The following IL1RAPL2 variants were observed in gnomAD, a reference collection of about 807,000 sequenced individuals.
IL1RAPL2 encodes the protein interleukin 1 receptor accessory protein like 2.
A neutral mutation model predicts 44.1 loss-of-function variants in IL1RAPL2; 3 were observed. That is an observed-to-expected ratio of 0.07 (90% CI 0.03 to 0.18). IL1RAPL2 has a LOEUF of 0.18. IL1RAPL2 is among the 10% of genes least tolerant of loss of function. IL1RAPL2 has a pLI of 1.00. For missense variants in IL1RAPL2, 391 were observed against 496.4 expected (o/e 0.79, Z 2.02); for synonymous variants, 181 against 178.8 (o/e 1.01, Z -0.10).
intron 2 of IL1RAPL2, among the ~76,000 whole-genome samples, chrX:104,852,227 A>G (rs1922245383): frequency 8.9e-6 from 1 of 112,336 alleles, no homozygotes; most frequent in African/African-American, 3.2e-5. Context: ...CAATATGCAT[A>G]TTCAGGAAGG....
At chrX:104,661,629 G>T (rs1930402193) in intron 2 of IL1RAPL2, among the ~76,000 whole-genome samples, 1 of 108,225 alleles carries the variant, frequency 9.2e-6, no homozygotes, top group South Asian at 4.0e-4. Context: ...ATTTTATGTA[G>T]AAAATATAAT....
At chrX:105,656,495 C>T (rs955682154) in intron 6 of IL1RAPL2, among the ~76,000 whole-genome samples, 1 of 111,879 alleles carries the variant, frequency 8.9e-6, no homozygotes, top group African/African-American at 3.3e-5. Flanking sequence ...AGAAGTACTA[C>T]ATAATGTGCT....
chrX:105,292,100 A>G (rs1053387594), intron 5 of IL1RAPL2, among the ~76,000 whole-genome samples: 1 of 111,652 alleles, frequency 9.0e-6, no homozygotes, highest in Non-Finnish European at 1.9e-5. Context: ...AATGATATTA[A>G]TATATATGAT....
intron 2 of IL1RAPL2, among the ~76,000 whole-genome samples, chrX:104,840,657 G>A (rs770396120): frequency 2.8e-5 from 3 of 108,916 alleles, no homozygotes; most frequent in Admixed American, 9.9e-5. Flanking sequence ...ATTGACAGTG[G>A]GATGTTAAAG....
At chrX:105,059,788 C>T (rs945283488) in intron 2 of IL1RAPL2, among the ~76,000 whole-genome samples, 1 of 112,116 alleles carries the variant, frequency 8.9e-6, no homozygotes, top group Non-Finnish European at 1.9e-5. Flanking sequence ...TCCTGCCTCC[C>T]AAAGTGCTGG....
intron 6 of IL1RAPL2, among the ~76,000 whole-genome samples, chrX:105,566,618 G>A (rs2036977184): frequency 8.9e-6 from 1 of 111,747 alleles, no homozygotes; most frequent in Non-Finnish European, 1.9e-5. Flanking sequence ...CTGTGGCTTG[G>A]AGAGTGATCG....
At chrX:105,740,478 T>C in intron 7 of IL1RAPL2, 68 bp from the exon 8 acceptor site, 2 of 1,071,788 alleles carry the variant, frequency 1.9e-6, no homozygotes, top group African/African-American at 3.6e-5. Context: ...TGACCATCTG[T>C]AGTCTTGGCA....
intron 2 of IL1RAPL2, among the ~76,000 whole-genome samples, chrX:104,936,165 C>T (rs1414424574): frequency 8.9e-6 from 1 of 111,788 alleles, no homozygotes; most frequent in Admixed American, 9.6e-5. Flanking sequence ...ATTTCATTCC[C>T]TGTCAAATTT....
At position 105,516,573 on chromosome X, in the gene IL1RAPL2, G is replaced by A. The variant is rs190399297; in HGVS notation, c.772+32186G>A. ...AGTTTGCATATATATTTTTGTGCAG[G>A]TCACATCCCTAATAAATGAAAATCT... is the stretch of plus-strand genomic sequence containing the variant. On this transcript the variant is annotated intron_variant, in intron 6 of 10. Transcript: ENST00000372582. Among the ~76,000 whole-genome samples the A allele has an allele frequency of 8.1e-3, 903 of 111,834 alleles. 5 individuals are homozygous for A. Among genetic ancestry groups the A allele is most frequent in the Non-Finnish European group, 0.014 (758 of 53,094 alleles).
chrX:105,520,566 A>T (rs1381036757), intron 6 of IL1RAPL2, among the ~76,000 whole-genome samples: 3 of 111,634 alleles, frequency 2.7e-5, no homozygotes, highest in African/African-American at 9.8e-5. Flanking sequence ...TTGACTTAAA[A>T]TTGTGCCATA....
At chrX:104,908,138 A>T (rs1487805602) in intron 2 of IL1RAPL2, among the ~76,000 whole-genome samples, 10 of 109,744 alleles carry the variant, frequency 9.1e-5, no homozygotes, top group Admixed American at 5.9e-4. Flanking sequence ...CTGCCTTTTT[A>T]TGTTTTCCAT....
intron 5 of IL1RAPL2, among the ~76,000 whole-genome samples, chrX:105,282,719 C>G (rs1371115330): frequency 9.0e-6 from 1 of 111,578 alleles, no homozygotes; most frequent in Non-Finnish European, 1.9e-5. Flanking sequence ...CTCTCTCTAG[C>G]TATATTCTGG....
intron 2 of IL1RAPL2, among the ~76,000 whole-genome samples, chrX:104,847,600 G>T (rs993012760): frequency 4.5e-5 from 5 of 111,898 alleles, no homozygotes; most frequent in Non-Finnish European, 9.4e-5. Context: ...CTGTAGCCTT[G>T]TAGTATAGCT....
At chrX:104,744,010 G>A (rs1274261435) in intron 2 of IL1RAPL2, among the ~76,000 whole-genome samples, 1 of 110,583 alleles carries the variant, frequency 9.0e-6, no homozygotes, top group Non-Finnish European at 1.9e-5. Flanking sequence ...GGGAAAGTGC[G>A]TGGTTCCTGG....
chrX:104,966,445 T>C (rs1358306981), intron 2 of IL1RAPL2, among the ~76,000 whole-genome samples: 4 of 111,817 alleles, frequency 3.6e-5, no homozygotes, highest in Non-Finnish European at 5.7e-5. Flanking sequence ...AGCTATATTA[T>C]ATTTCAGATA....
At chrX:104,785,004 A>C (rs1050846889) in intron 2 of IL1RAPL2, among the ~76,000 whole-genome samples, 1 of 110,702 alleles carries the variant, frequency 9.0e-6, no homozygotes, top group African/African-American at 3.3e-5. Context: ...CTGGACTTCA[A>C]GGATTATCGC....
chrX:105,420,569 C>T (rs1453803804), intron 5 of IL1RAPL2, among the ~76,000 whole-genome samples: 1 of 111,457 alleles, frequency 9.0e-6, no homozygotes, highest in African/African-American at 3.3e-5. Context: ...AAGGAGTGTG[C>T]GTATCAAAAA....
chrX:105,447,075 T>TTATATATATATATA (rs1205983853), intron 5 of IL1RAPL2, among the ~76,000 whole-genome samples: 51 of 16,860 alleles, frequency 3.0e-3, no homozygotes, highest in Admixed American at 5.1e-3. Context: ...CTGGTTAAAA[T>TTATATATATATATA]TATATATATA....
intron 2 of IL1RAPL2, among the ~76,000 whole-genome samples, chrX:104,884,944 CTTCAAGCTGTA>C (rs1163456688): frequency 9.0e-6 from 1 of 111,327 alleles, no homozygotes; most frequent in Non-Finnish European, 1.9e-5. Context: ...GTTATGTCCC[CTTCAAGCTGTA>C]GGGGGAATGG....
Sources: allele counts gnomAD v4.1 joint callset (sites outside exome capture counted in the v4.1 genomes callset), GRCh38; gene constraint gnomAD v4.1.1; transcripts MANE v1.5; gene names NCBI Gene and HGNC (gene_info 2026-07-23, HGNC 2026-07-21).